Variants in GPM6A observed in about 807,000 individuals in gnomAD.
GPM6A encodes neuronal membrane glycoprotein M6-a.
Under a neutral mutation model 32.1 loss-of-function variants are expected in GPM6A, and 7 were observed. The observed-to-expected ratio is 0.22, with a 90% CI of 0.12 to 0.41. The LOEUF (loss-of-function observed/expected upper bound fraction) is 0.41. Ranked by LOEUF, GPM6A falls within the 10% of genes least tolerant of loss-of-function variation. The pLI is 1.00. For synonymous variants in GPM6A, 130 were observed against 123.4 expected, an observed-to-expected ratio of 1.05 and a Z score of -0.35; for missense variants, 235 against 347.2, an observed-to-expected ratio of 0.68 and a Z score of 2.57.
At chr4:175,855,458 GA>G (rs966675218) in intron 1 of GPM6A, among the ~76,000 whole-genome samples, 4 of 152,112 alleles carry the variant, frequency 2.6e-5, no homozygotes, top group African/African-American at 9.7e-5. Flanking sequence ...ACAAATGTAT[GA>G]AAAAAACTTA....
chr4:175,883,848 A>C (rs780425954), intron 1 of GPM6A, among the ~76,000 whole-genome samples: 2 of 152,216 alleles, frequency 1.3e-5, no homozygotes, highest in Non-Finnish European at 2.9e-5. Context: ...ACAATTCTAA[A>C]TTTACCAATT....
chr4:175,687,417 T>C (rs73020149), intron 2 of GPM6A, among the ~76,000 whole-genome samples: 7,158 of 152,050 alleles, frequency 0.047, 204 homozygotes, highest in Non-Finnish European at 0.063. Flanking sequence ...TAAATAAAAT[T>C]GTGCAGCACT....
rs547236725 is a variant in GPM6A, at chr4:175,826,255, A to G, written c.-22-14006T>C. Among the ~76,000 whole-genome samples, 307 of 152,040 alleles carry G rather than the reference A, an allele frequency of 2.0e-3. 2 individuals carry two copies. The highest frequency in any genetic ancestry group is 7.1e-3 in the African/African-American group (294 of 41,474). On this transcript the variant is annotated intron_variant, in intron 1 of 7. Transcript: ENST00000280187. Reference sequence around the variant, plus strand: ...ACCATAAGGCTTGAAAGACCTTAACATATTACCTAATGCAGAAATTAATCT... The same window carrying G: ...ACCATAAGGCTTGAAAGACCTTAACGTATTACCTAATGCAGAAATTAATCT...
intron 1 of GPM6A, among the ~76,000 whole-genome samples, chr4:175,792,085 A>G (rs1349207863): frequency 6.6e-6 from 1 of 152,224 alleles, no homozygotes; most frequent in Non-Finnish European, 1.5e-5. Context: ...TTTACAGTAT[A>G]ACAGTTATTG....
At chr4:175,826,858 T>C (rs1392714883) in intron 1 of GPM6A, among the ~76,000 whole-genome samples, 2 of 152,184 alleles carry the variant, frequency 1.3e-5, no homozygotes, top group African/African-American at 2.4e-5. Flanking sequence ...TTTATTTCTT[T>C]ATTAACAAGT....
At chr4:175,920,400 C>A (rs1738626910) in intron 1 of GPM6A, among the ~76,000 whole-genome samples, 1 of 152,130 alleles carries the variant, frequency 6.6e-6, no homozygotes, top group Non-Finnish European at 1.5e-5. Flanking sequence ...AAATAAAGAA[C>A]TGAGAACTGT....
At chr4:175,656,018 G>A (rs1742063442) in intron 3 of GPM6A, among the ~76,000 whole-genome samples, 1 of 152,038 alleles carries the variant, frequency 6.6e-6, no homozygotes. Flanking sequence ...GCTTTGAACA[G>A]ACACTGAATT....
chr4:175,690,883 G>A (rs2111035787), intron 2 of GPM6A, among the ~76,000 whole-genome samples: 1 of 152,302 alleles, frequency 6.6e-6, no homozygotes, highest in Non-Finnish European at 1.5e-5. Flanking sequence ...CATTGAAGTT[G>A]AATGCTAATT....
At chr4:175,651,226 G>A (rs961356274) in intron 4 of GPM6A, among the ~76,000 whole-genome samples, 1 of 151,938 alleles carries the variant, frequency 6.6e-6, no homozygotes, top group East Asian at 1.9e-4. Context: ...GTCATGAGAA[G>A]TAAACAATGT....
At chr4:175,786,711 C>T (rs17062019) in intron 1 of GPM6A, among the ~76,000 whole-genome samples, 18,564 of 151,844 alleles carry the variant, frequency 0.12, 1,166 homozygotes, top group Non-Finnish European at 0.13. Flanking sequence ...GAGTCAGTTG[C>T]ACCCTTTCAT....
At chr4:175,800,826 T>C (rs1280521899) in intron 1 of GPM6A, 1 of 197,568 alleles carries the variant, frequency 5.1e-6, no homozygotes, top group Admixed American at 4.5e-5. Flanking sequence ...AACCCCCTCA[T>C]AACAGAATGG....
chr4:175,962,954 T>G (rs1740213304), intron 1 of GPM6A, among the ~76,000 whole-genome samples: 1 of 152,066 alleles, frequency 6.6e-6, no homozygotes, highest in Non-Finnish European at 1.5e-5. Flanking sequence ...ATGGGTAATG[T>G]AAGCAGAAAT....
In GPM6A at chr4:175,639,597, C is replaced by G. The variant is rs993089497; in HGVS notation, c.684+532G>C. On this transcript the variant is annotated intron_variant, in intron 6 of 6. Coordinates refer to ENST00000393658, the MANE Select transcript of GPM6A (RefSeq NM_201591.3). ...AGAAAGGAGGAGACTGGCTCTGGCA[C>G]GTGGTAGATCCTCCTCATTGTGTAA... Among the ~76,000 whole-genome samples the G allele has an allele frequency of 3.9e-5, 6 of 152,092 alleles. No individual in the cohort carries two copies. The East Asian group carries it at 1.2e-3, about 29-fold the overall frequency.
chr4:175,639,392 A>G (rs994836887), intron 6 of GPM6A, among the ~76,000 whole-genome samples: 2 of 152,118 alleles, frequency 1.3e-5, no homozygotes, highest in East Asian at 3.9e-4. Context: ...TTACATATTG[A>G]CTCGGCTGTC....
intron 1 of GPM6A, among the ~76,000 whole-genome samples, chr4:175,854,059 C>T (rs1407274621): frequency 6.6e-6 from 1 of 152,096 alleles, no homozygotes; most frequent in African/African-American, 2.4e-5. Context: ...CTGACTTGGG[C>T]AGGTAAACTG....
intron 1 of GPM6A, among the ~76,000 whole-genome samples, chr4:175,770,004 C>T (rs922555927): frequency 6.6e-6 from 1 of 152,018 alleles, no homozygotes; most frequent in Non-Finnish European, 1.5e-5. Flanking sequence ...CTTTTAGTTA[C>T]AGTATTGTAT....
intron 1 of GPM6A, among the ~76,000 whole-genome samples, chr4:175,935,728 AATCT>A (rs1335828047): frequency 6.6e-6 from 1 of 152,118 alleles, no homozygotes; most frequent in Non-Finnish European, 1.5e-5. Context: ...TCCCCTAGTT[AATCT>A]ATCAATTCAA....
intron 1 of GPM6A, among the ~76,000 whole-genome samples, chr4:175,790,692 G>A (rs1733977531): frequency 1.3e-5 from 2 of 152,150 alleles, no homozygotes; most frequent in African/African-American, 4.8e-5. Context: ...TGAAGGCATA[G>A]GGAAAGTTGT....
intron 2 of GPM6A, among the ~76,000 whole-genome samples, chr4:175,699,355 G>C (rs995943651): frequency 6.6e-6 from 1 of 152,034 alleles, no homozygotes; most frequent in Non-Finnish European, 1.5e-5. Flanking sequence ...TTGAATTTTG[G>C]TTTTATACAT....
Sources: gnomAD v4.1 joint callset for allele counts (sites outside exome capture counted in the v4.1 genomes callset) on GRCh38, gnomAD v4.1.1 for gene constraint, MANE v1.5 for transcripts, NCBI Gene and HGNC (gene_info 2026-07-23, HGNC 2026-07-21) for gene names.